The following C9orf72 variants were observed in gnomAD, a reference collection of about 807,000 sequenced individuals.
C9orf72 encodes guanine nucleotide exchange factor C9orf72.
A neutral mutation model predicts 51.6 loss-of-function variants in C9orf72; 44 were observed. That is an observed-to-expected ratio of 0.85 (90% confidence interval 0.67 to 1.10). C9orf72 has a LOEUF of 1.10. Ranked by LOEUF, C9orf72 falls within the 50% of genes least tolerant of loss-of-function variation. The pLI, the probability that C9orf72 is intolerant of heterozygous loss-of-function variation, is 0.00. For synonymous variants in C9orf72, 213 were observed against 194.2 expected (o/e 1.10, Z -0.81); for missense variants, 607 against 570.6 (o/e 1.06, Z -0.65).
chr9:27,571,463 C>A (rs1383154216), intron 1 of C9orf72, among the ~76,000 whole-genome samples: 1 of 152,124 alleles, frequency 6.6e-6, no homozygotes, highest in East Asian at 1.9e-4. Flanking sequence ...GCCCTCACTT[C>A]TTGTTTTTTA....
At chr9:27,556,502 G>A (rs566087888) in intron 8 of C9orf72, 59 bp downstream of exon 8, 50 of 1,133,516 alleles carry the variant, frequency 4.4e-5, no homozygotes, top group Admixed American at 1.5e-4. Flanking sequence ...GTTTTTATTC[G>A]TAAAAGACAC....
At position 27,560,297 on chromosome 9, in the gene C9orf72, GCA is replaced by G; in HGVS notation, c.666_667del (p.Ala223HisfsTer16). 1 of 1,607,172 alleles carries G rather than the reference GCA, an allele frequency of 6.2e-7. No individual in the cohort carries two copies. The highest frequency in any genetic ancestry group is 8.5e-7 in the Non-Finnish European group (1 of 1,176,308). On this transcript the variant is annotated frameshift_variant and splice_region_variant, in exon 6 of 11. Transcript: ENST00000380003. LOFTEE classifies it high-confidence loss of function. The stretch of plus-strand genomic sequence containing the variant: ...ACAGGTTTGCAAGTGTGAGCTGATG[GCA>G]CTGTAAGTTAAAGAAAACAGATTAA...
chr9:27,561,883 T>A (rs767349635), intron 4 of C9orf72, among the ~76,000 whole-genome samples: 1 of 152,192 alleles, frequency 6.6e-6, no homozygotes, highest in African/African-American at 2.4e-5. Context: ...CTTCCTCTTC[T>A]GAGCTGTCAG....
intron 1 of C9orf72, among the ~76,000 whole-genome samples, chr9:27,570,693 C>T (rs1477575391): frequency 6.6e-6 from 1 of 152,002 alleles, no homozygotes; most frequent in Non-Finnish European, 1.5e-5. Context: ...TGGTGAAACC[C>T]CACCTCTACT....
chr9:27,560,641 G>T, intron 5 of C9orf72: 1 of 1,014,630 alleles, frequency 9.9e-7, no homozygotes, highest in East Asian at 9.9e-5. Flanking sequence ...GATTTAAAAT[G>T]ATGTATGAAA....
At chr9:27,554,465 C>G in intron 8 of C9orf72, 1 of 396,536 alleles carries the variant, frequency 2.5e-6, no homozygotes, top group Non-Finnish European at 4.4e-6. Context: ...AAGAAGGAAA[C>G]AGCAACACCA....
intron 3 of C9orf72, among the ~76,000 whole-genome samples, chr9:27,562,733 C>A (rs1198003782): frequency 6.7e-6 from 1 of 150,274 alleles, no homozygotes; most frequent in African/African-American, 2.5e-5. Context: ...AGTGCAATGG[C>A]GTGATCTCAG....
In C9orf72 at chr9:27,548,099, C is replaced by A; in HGVS notation, c.*137G>T. The A allele has an allele frequency of 1.8e-6, 1 of 556,938 alleles. No homozygotes were observed. Among genetic ancestry groups the A allele is most frequent in the Non-Finnish European group, 3.1e-6 (1 of 324,656 alleles). 34.5% of individuals were successfully genotyped at this position (556,938 alleles called of 1,614,324 possible). Reference sequence around the variant, plus strand: ...ATCCCCTCACAGGCTCTTGTGAGAACTGTAGTGTAACTTACTTAACTGCAA... The same window carrying A: ...ATCCCCTCACAGGCTCTTGTGAGAAATGTAGTGTAACTTACTTAACTGCAA... On this transcript the variant is annotated 3_prime_UTR_variant, in exon 11 of 11. Coordinates refer to ENST00000380003, the MANE Select transcript of C9orf72 (RefSeq NM_018325.5).
At position 27,556,651 on chromosome 9, in the gene C9orf72, G is replaced by T; in HGVS notation, c.1001C>A (p.Ser334Tyr). The T allele has an allele frequency of 6.2e-7, 1 of 1,613,990 alleles. No individual in the cohort carries two copies. Among genetic ancestry groups the T allele is most frequent in the Non-Finnish European group, 8.5e-7 (1 of 1,179,900 alleles). The change falls in exon 8 of 11, where the codon TCC becomes TAC. Residue 334 changes from serine to tyrosine, a missense_variant. By Grantham distance (144) the Ser-to-Tyr change is moderately radical. Coordinates refer to ENST00000380003, the MANE Select transcript of C9orf72 (RefSeq NM_018325.5). ...GGCTCTCCAGAAGGCTGTCAGCTCG[G>T]ATCTCATGTATCTACGCTGATTATA... ...HIYNQRRYMRSELTAFWRATS... is the reference protein window; with the variant it reads ...HIYNQRRYMRYELTAFWRATS...
intron 9 of C9orf72, among the ~76,000 whole-genome samples, chr9:27,549,500 T>C (rs538398814): frequency 2.0e-5 from 3 of 152,296 alleles, no homozygotes; most frequent in Admixed American, 6.5e-5. Context: ...ACAGACCTCA[T>C]AGATCTCAAT....
In C9orf72 at chr9:27,548,435, G is replaced by C; in HGVS notation, c.1260-13C>G. On this transcript the variant is annotated splice_polypyrimidine_tract_variant and intron_variant, in intron 10 of 10. Coordinates refer to ENST00000380003, the MANE Select transcript of C9orf72 (RefSeq NM_018325.5). Reference sequence around the variant, plus strand: ...TTTTCCCTTCTGCCTAAAAATAATGGAAAAAAAAAAAAAAAAAAAAAAAAA... The same window carrying C: ...TTTTCCCTTCTGCCTAAAAATAATGCAAAAAAAAAAAAAAAAAAAAAAAAA... 1.0e-4 allele frequency: 18 copies of C among 174,264 alleles called. No homozygotes were observed. Among genetic ancestry groups the C allele is most frequent in the Non-Finnish European group, 1.3e-4 (14 of 109,048 alleles). The allele number at this position is 174,264 out of a possible 1,614,324, so 10.8% of individuals were successfully genotyped here. A position where few individuals can be genotyped will look rare whatever the true frequency, so the allele number is the denominator to read the frequency against.
At chr9:27,549,380 G>C (rs979636676) in intron 9 of C9orf72, among the ~76,000 whole-genome samples, 1 of 152,112 alleles carries the variant, frequency 6.6e-6, no homozygotes, top group Admixed American at 6.5e-5. Context: ...TGGGTGGGTA[G>C]GAGTAGAATG....
chr9:27,559,118 G>C lies in C9orf72; in HGVS notation c.739-511C>G, dbSNP rs965658276. 24 of 152,230 alleles carry C rather than the reference G, an allele frequency of 1.6e-4. 1 individual carries two copies. Among genetic ancestry groups the C allele is most frequent in the African/African-American group, 5.6e-4 (23 of 41,414 alleles). The allele number at this position is 152,230 out of a possible 1,614,324, so 9.4% of individuals were successfully genotyped here. On this transcript the variant is annotated intron_variant, in intron 6 of 10. Coordinates refer to ENST00000380003, the MANE Select transcript of C9orf72 (RefSeq NM_018325.5). ...TCTATTAGGAAAAATAAAAAGGCAT[G>C]TAACTATCTTGAAATTCAAACCATA... is the stretch of plus-strand genomic sequence containing the variant.
chr9:27,548,473 ATTATGATATAGAAAATGTAC>A, intron 10 of C9orf72, 51 bp from the exon 11 acceptor site: 1 of 1,400,866 alleles, frequency 7.1e-7, no homozygotes, highest in Non-Finnish European at 9.6e-7. Context: ...AAGCGCAAAA[ATTATGATATAGAAAATGTAC>A]AAAGGAAACA....
chr9:27,555,006 A>G (rs1368187889), intron 8 of C9orf72, among the ~76,000 whole-genome samples: 4 of 152,222 alleles, frequency 2.6e-5, no homozygotes, highest in Non-Finnish European at 5.9e-5. Context: ...AAAACAAAAC[A>G]AAAATACCAA....
At chr9:27,572,526 T>C (rs1393975621) in intron 1 of C9orf72, among the ~76,000 whole-genome samples, 2 of 152,218 alleles carry the variant, frequency 1.3e-5, no homozygotes, top group East Asian at 1.9e-4. Flanking sequence ...CGTACCCTTG[T>C]TGTGAACAAC....
intron 1 of C9orf72, among the ~76,000 whole-genome samples, chr9:27,569,922 A>C (rs1819549204): frequency 1.3e-5 from 2 of 152,202 alleles, no homozygotes; most frequent in Non-Finnish European, 2.9e-5. Context: ...TTGTCAAGAG[A>C]GTTCAGTCTG....
At chr9:27,548,504 A>G (rs1283835232) in intron 10 of C9orf72, 53 bp downstream of exon 10, 1 of 1,467,482 alleles carries the variant, frequency 6.8e-7, no homozygotes, top group East Asian at 2.3e-5. Context: ...AAAGGAAACA[A>G]AACAAAAAAA....
At chr9:27,561,767 C>T (rs1389489772) in intron 4 of C9orf72, 118 bp from the exon 5 acceptor site, 4 of 602,378 alleles carry the variant, frequency 6.6e-6, no homozygotes, top group East Asian at 6.3e-5. Flanking sequence ...CCTTCATTTC[C>T]GAGAATCAAG....
Sources: gnomAD v4.1 joint callset for allele counts (sites outside exome capture counted in the v4.1 genomes callset) on GRCh38, gnomAD v4.1.1 for gene constraint, MANE v1.5 for transcripts, NCBI Gene and HGNC (gene_info 2026-07-23, HGNC 2026-07-21) for gene names.